Variants in GSK3B observed in about 807,000 individuals in gnomAD.
GSK3B encodes the protein glycogen synthase kinase 3 beta, also known as glycogen synthase kinase-3 beta.
Under a neutral mutation model 56.4 loss-of-function variants are expected in GSK3B, and 15 were observed. The observed-to-expected ratio is 0.27, with a 90% CI of 0.18 to 0.41. The LOEUF is 0.41. Among genes scored for constraint, GSK3B ranks in the 10% least tolerant of loss-of-function variants. The pLI is 1.00. For synonymous variants in GSK3B, 181 were observed against 188.9 expected (o/e 0.96, Z 0.34); for missense variants, 300 against 513.4 (o/e 0.58, Z 4.02).
chr3:120,067,616 G>A (rs1358322911), intron 1 of GSK3B, among the ~76,000 whole-genome samples: 1 of 152,206 alleles, frequency 6.6e-6, no homozygotes, highest in Non-Finnish European at 1.5e-5. Context: ...GAACCATCAT[G>A]AATTCGGGAT....
chr3:119,877,144 C>T (rs568201970), intron 7 of GSK3B, among the ~76,000 whole-genome samples: 3 of 152,130 alleles, frequency 2.0e-5, no homozygotes, highest in African/African-American at 7.2e-5. Flanking sequence ...AAAAGATTAC[C>T]ATACTCAAAA....
intron 2 of GSK3B, among the ~76,000 whole-genome samples, chr3:120,001,606 T>C (rs775680426): frequency 6.8e-4 from 104 of 152,156 alleles, no homozygotes; most frequent in Admixed American, 1.5e-3. Context: ...TATTCCTTTA[T>C]AGAGATGCAA....
chr3:119,935,626 T>C (rs893656026), intron 3 of GSK3B, among the ~76,000 whole-genome samples: 2 of 152,076 alleles, frequency 1.3e-5, no homozygotes, highest in African/African-American at 2.4e-5. Context: ...CTGTACTCCT[T>C]GGCATACATC....
At chr3:120,085,968 A>G (rs1386254175) in intron 1 of GSK3B, among the ~76,000 whole-genome samples, 1 of 152,206 alleles carries the variant, frequency 6.6e-6, no homozygotes, top group African/African-American at 2.4e-5. Context: ...CTCCAAAAGA[A>G]AAACTACTTT....
chr3:119,930,113 A>G (rs1559841488), intron 3 of GSK3B, among the ~76,000 whole-genome samples: 1 of 150,452 alleles, frequency 6.6e-6, no homozygotes, highest in Non-Finnish European at 1.5e-5. Context: ...ACACACACAC[A>G]CACACACACA....
chr3:119,971,932 C>T (rs1359188312), intron 2 of GSK3B, among the ~76,000 whole-genome samples: 1 of 151,986 alleles, frequency 6.6e-6, no homozygotes, highest in Non-Finnish European at 1.5e-5. Context: ...TTTTATAAGG[C>T]AATTAAAGTT....
chr3:120,022,368 A>G (rs1286813190), intron 1 of GSK3B, among the ~76,000 whole-genome samples: 1 of 152,214 alleles, frequency 6.6e-6, no homozygotes, highest in Non-Finnish European at 1.5e-5. Flanking sequence ...CTAAGAAACC[A>G]AAAAAATTGT....
intron 1 of GSK3B, among the ~76,000 whole-genome samples, chr3:120,045,601 T>A (rs144302350): frequency 6.6e-6 from 1 of 152,160 alleles, no homozygotes; most frequent in East Asian, 1.9e-4. Flanking sequence ...GGACTACACA[T>A]CAGAAATAAA....
At chr3:119,827,707 A>C (rs1398999448) in intron 10 of GSK3B, among the ~76,000 whole-genome samples, 1 of 152,112 alleles carries the variant, frequency 6.6e-6, no homozygotes. Flanking sequence ...CATTATGTGA[A>C]GTGAAATAAG....
chr3:119,880,656 A>C (rs2056369703), intron 7 of GSK3B, among the ~76,000 whole-genome samples: 1 of 152,230 alleles, frequency 6.6e-6, no homozygotes. Flanking sequence ...GTATAAGGTA[A>C]TTTCTGAGCA....
intron 2 of GSK3B, among the ~76,000 whole-genome samples, chr3:119,949,112 A>G (rs917435849): frequency 1.1e-4 from 17 of 152,246 alleles, no homozygotes; most frequent in Admixed American, 9.8e-4. Context: ...TTTTTTTAAC[A>G]TAGCCAACTA....
chr3:119,923,587 T>G (rs868094355), intron 3 of GSK3B, 104 bp from the exon 4 acceptor site: 2 of 501,190 alleles, frequency 4.0e-6, no homozygotes, highest in Non-Finnish European at 6.9e-6. Flanking sequence ...TATTCGGATT[T>G]TTAAAGATTA....
intron 1 of GSK3B, among the ~76,000 whole-genome samples, chr3:120,051,433 T>G (rs2058148856): frequency 6.6e-6 from 1 of 152,130 alleles, no homozygotes; most frequent in Non-Finnish European, 1.5e-5. Flanking sequence ...TACTTTATCA[T>G]GAATAAAGGT....
chr3:119,892,647 C>T (rs941272049), intron 7 of GSK3B, among the ~76,000 whole-genome samples: 10 of 152,118 alleles, frequency 6.6e-5, no homozygotes, highest in Non-Finnish European at 1.5e-4. Context: ...AAACTGTTCA[C>T]TAAATTAACG....
At chr3:120,086,625 T>G (rs890765525) in intron 1 of GSK3B, among the ~76,000 whole-genome samples, 1 of 152,000 alleles carries the variant, frequency 6.6e-6, no homozygotes, top group Non-Finnish European at 1.5e-5. Flanking sequence ...CGAAACCCCC[T>G]CTCTATAAAA....
intron 1 of GSK3B, among the ~76,000 whole-genome samples, chr3:120,013,516 C>T (rs1446708672): frequency 6.6e-6 from 1 of 152,178 alleles, no homozygotes; most frequent in East Asian, 1.9e-4. Flanking sequence ...GTTAAGTCTG[C>T]AATGACTGCC....
chr3:120,088,813 G>T (rs2058487286), intron 1 of GSK3B, among the ~76,000 whole-genome samples: 1 of 152,118 alleles, frequency 6.6e-6, no homozygotes, highest in Admixed American at 6.5e-5. Context: ...TCCATTATAG[G>T]GTGGAGCATC....
chr3:119,880,874 A>G (rs2056371703), intron 7 of GSK3B, among the ~76,000 whole-genome samples: 1 of 152,114 alleles, frequency 6.6e-6, no homozygotes, highest in African/African-American at 2.4e-5. Context: ...ATGCAACTCT[A>G]TTGGATTCTT....
intron 1 of GSK3B, among the ~76,000 whole-genome samples, chr3:120,089,494 T>A (rs1283798847): frequency 1.3e-5 from 2 of 152,284 alleles, no homozygotes; most frequent in East Asian, 3.9e-4. Flanking sequence ...ATACGGAAAC[T>A]CTAAGTTGCT....
Sources: allele counts gnomAD v4.1 joint callset (sites outside exome capture counted in the v4.1 genomes callset), GRCh38; gene constraint gnomAD v4.1.1; transcripts MANE v1.5; gene names NCBI Gene and HGNC (gene_info 2026-07-23, HGNC 2026-07-21).